RNASEH1: variants seen among roughly 807,000 people sequenced by gnomAD.
RNASEH1 encodes ribonuclease H1.
In RNASEH1, 27 loss-of-function variants were observed where a neutral mutation model predicts 34.6. The ratio of observed to expected loss-of-function variants is 0.78; its 90% CI spans 0.58 to 1.08. The LOEUF is 1.08. Among genes scored for constraint, RNASEH1 ranks in the 50% least tolerant of loss-of-function variants. RNASEH1 has a pLI of 0.00. For missense variants in RNASEH1, 349 were observed against 373.6 expected (o/e 0.93, Z 0.54); for synonymous variants, 162 against 138.4 (o/e 1.17, Z -1.20).
In RNASEH1 at chr2:3,544,642, G is replaced by A. The variant is rs1348664951; in HGVS notation, c.*1143C>T. 1.3e-5 allele frequency among the ~76,000 whole-genome samples: 2 copies of A among 152,152 alleles called. No homozygotes were observed. Among genetic ancestry groups the A allele is most frequent in the African/African-American group, 4.8e-5 (2 of 41,434 alleles). On this transcript the variant is annotated 3_prime_UTR_variant, in exon 8 of 8. Coordinates refer to ENST00000315212, the MANE Select transcript of RNASEH1 (RefSeq NM_002936.6). ...TGGCAAAGTACTATTTCTTCACCAG[G>A]TGGTGGACACAAAGGTTATTCACCT...
chr2:3,534,617 G>C, the RNASEH1 span, among the ~76,000 whole-genome samples: 1 of 152,266 alleles, frequency 6.6e-6, no homozygotes, highest in Non-Finnish European at 1.5e-5. Flanking sequence ...CGCCGGCTGA[G>C]CGCGGATCCT....
chr2:3,558,311 G>T lies in RNASEH1; in HGVS notation c.-51C>A. On this transcript the variant is annotated 5_prime_UTR_variant, in exon 1 of 8. Transcript: ENST00000315212. ...TTTCGACTCCCGGCCCAGCGTGGGCGCGAGCCGCCGGCGCTCAACACCGCA... is the reference window on the plus strand; with the variant it reads ...TTTCGACTCCCGGCCCAGCGTGGGCTCGAGCCGCCGGCGCTCAACACCGCA... The T allele has an allele frequency of 1.4e-6, 2 of 1,474,628 alleles. No individual in the cohort carries two copies. Among genetic ancestry groups the T allele is most frequent in the Non-Finnish European group, 1.8e-6 (2 of 1,116,144 alleles). 91.3% of individuals were successfully genotyped at this position (1,474,628 alleles called of 1,614,324 possible). A position where few individuals can be genotyped will look rare whatever the true frequency, so the allele number is the denominator to read the frequency against.
At chr2:3,546,268 T>C (rs576303747) in intron 7 of RNASEH1, among the ~76,000 whole-genome samples, 1 of 152,236 alleles carries the variant, frequency 6.6e-6, no homozygotes. Context: ...ACTGTTTACA[T>C]TTATGTTGCC....
rs1404940223 is a variant in RNASEH1, at chr2:3,552,723, C to T, written c.245-415G>A. Among the ~76,000 whole-genome samples, 7 of 152,016 alleles carry T rather than the reference C, an allele frequency of 4.6e-5. No individual in the cohort carries two copies. In the East Asian group the frequency reaches 9.7e-4, roughly 21 times the overall value. ...ATATAACATCAGTGGTGTTGCTGGG[C>T]GCAGTGGTGTGTGCCTATAGTTCCA... On this transcript the variant is annotated intron_variant, in intron 2 of 7. Transcript: ENST00000315212.
chr2:3,537,115 T>C (rs1668027486), downstream of RNASEH1, among the ~76,000 whole-genome samples: 1 of 152,240 alleles, frequency 6.6e-6, no homozygotes, highest in African/African-American at 2.4e-5. Flanking sequence ...CCCATCAATT[T>C]TCTTCTGGGT....
chr2:3,533,748 G>A, the RNASEH1 span: 15,762 of 152,352 alleles, frequency 0.1, 886 homozygotes, highest in Middle Eastern at 0.16. Flanking sequence ...CAAACAGGCA[G>A]GGGCACTCCC....
At chr2:3,538,320 C>A (rs1251203453), downstream of RNASEH1, among the ~76,000 whole-genome samples, 1 of 151,624 alleles carries the variant, frequency 6.6e-6, no homozygotes, top group Non-Finnish European at 1.5e-5. Flanking sequence ...CCACTGCACT[C>A]CAGCCTGAGC....
At position 3,558,287 on chromosome 2, in the gene RNASEH1, T is replaced by C; in HGVS notation, c.-27A>G. The C allele has an allele frequency of 2.0e-6, 3 of 1,528,620 alleles. No homozygotes were observed. The highest frequency in any genetic ancestry group is 8.8e-7 in the Non-Finnish European group (1 of 1,142,528). 94.7% of individuals were successfully genotyped at this position (1,528,620 alleles called of 1,614,324 possible). ...GCTCACTCCCGGCACCGGGAAGCAT[T>C]TCGACTCCCGGCCCAGCGTGGGCGC... On this transcript the variant is annotated 5_prime_UTR_variant, in exon 1 of 8. Transcript: ENST00000315212.
intron 4 of RNASEH1, chr2:3,550,121 C>T: frequency 2.5e-6 from 1 of 406,662 alleles, no homozygotes; most frequent in South Asian, 2.3e-5. Flanking sequence ...CCATCCTGGG[C>T]AACAGTGTGA....
downstream of RNASEH1, among the ~76,000 whole-genome samples, chr2:3,538,654 C>G (rs572519227): frequency 3.0e-4 from 45 of 152,298 alleles, no homozygotes; most frequent in Middle Eastern, 3.4e-3. Flanking sequence ...ACGGCCGCTT[C>G]AGGTCCCAGT....
At chr2:3,557,648 C>T (rs575808077) in intron 1 of RNASEH1, 3 of 384,092 alleles carry the variant, frequency 7.8e-6, no homozygotes, top group South Asian at 6.1e-5. Context: ...AAGAACTATA[C>T]CTGAAAGTGA....
At chr2:3,550,280 T>C (rs948667348) in intron 4 of RNASEH1, 93 bp downstream of exon 4, 2 of 1,089,972 alleles carry the variant, frequency 1.8e-6, no homozygotes, top group African/African-American at 3.1e-5. Flanking sequence ...TATCTGCAGG[T>C]TTTCCCAATA....
At chr2:3,548,194 G>C in intron 6 of RNASEH1, 139 bp from the exon 7 acceptor site, 2 of 1,043,710 alleles carry the variant, frequency 1.9e-6, no homozygotes, top group South Asian at 1.4e-5. Flanking sequence ...GCTGGCCTTA[G>C]TTGCTTTGGC....
At chr2:3,548,933 G>A in intron 5 of RNASEH1, 125 bp downstream of exon 5, 2 of 925,828 alleles carry the variant, frequency 2.2e-6, no homozygotes, top group Non-Finnish European at 3.4e-6. Flanking sequence ...TTTCAAAATT[G>A]TTATTAAACC....
chr2:3,544,879 A>G lies in RNASEH1; in HGVS notation c.*906T>C, dbSNP rs1457358906. The G allele has an allele frequency of 6.6e-6, 1 of 151,644 alleles. No homozygotes were observed. The highest frequency in any genetic ancestry group is 1.9e-4 in the East Asian group (1 of 5,152). The allele number at this position is 151,644 out of a possible 1,614,324, so 9.4% of individuals were successfully genotyped here. On this transcript the variant is annotated 3_prime_UTR_variant, in exon 8 of 8. Transcript: ENST00000315212. ...AACCTCTGCCGCCTGGGTTCAAGTG[A>G]TTCTTGTGCCTCAGCCTCCCAAGTA...
At chr2:3,552,423 CTCT>C in intron 2 of RNASEH1, 115 bp from the exon 3 acceptor site, 1 of 692,406 alleles carries the variant, frequency 1.4e-6, no homozygotes. Context: ...TAAAAACACC[CTCT>C]CTATGTGGCC....
At chr2:3,549,215 T>C (rs1669051698) in intron 4 of RNASEH1, 103 bp from the exon 5 acceptor site, 2 of 932,396 alleles carry the variant, frequency 2.1e-6, no homozygotes, top group South Asian at 2.8e-5. Context: ...TTATTTGAAA[T>C]ATAAAAGCAT....
rs1232913915 is a variant in RNASEH1, at chr2:3,541,799, G to A, written c.*3986C>T. Among the ~76,000 whole-genome samples the A allele has an allele frequency of 6.6e-6, 1 of 152,210 alleles. No homozygotes were observed. Among genetic ancestry groups the A allele is most frequent in the Non-Finnish European group, 1.5e-5 (1 of 68,044 alleles). On this transcript the variant is annotated 3_prime_UTR_variant, in exon 8 of 8. Transcript: ENST00000315212. ...GACAGCTTCACAGGCAAATGCATCGGTCACTTCACGTATGTGCAGTTCATT... is the reference window on the plus strand; with the variant it reads ...GACAGCTTCACAGGCAAATGCATCGATCACTTCACGTATGTGCAGTTCATT...
intron 1 of RNASEH1, 34 bp downstream of exon 1, chr2:3,558,099 G>T (rs758512883): frequency 6.4e-7 from 1 of 1,566,018 alleles, no homozygotes; most frequent in Non-Finnish European, 8.6e-7. Flanking sequence ...CCCCGATGCC[G>T]GCAGGGAGGC....
Sources: gnomAD v4.1 joint callset for allele counts (sites outside exome capture counted in the v4.1 genomes callset) on GRCh38, gnomAD v4.1.1 for gene constraint, MANE v1.5 for transcripts, NCBI Gene and HGNC (gene_info 2026-07-23, HGNC 2026-07-21) for gene names.